SKI: variants seen among roughly 807,000 people sequenced by gnomAD.
SKI encodes SKI proto-oncogene.
In SKI, 23 loss-of-function variants were observed where a neutral mutation model predicts 59.3. The observed-to-expected ratio is 0.39, with a 90% CI of 0.28 to 0.55. The LOEUF is 0.55. Among genes scored for constraint, SKI ranks in the 20% least tolerant of loss-of-function variants. The probability of loss-of-function intolerance (pLI) is 0.67; values close to 1 mark genes in which losing one functional copy is unlikely to be tolerated. For missense variants in SKI, 1,017 were observed against 1,038.9 expected, an observed-to-expected ratio of 0.98 and a Z score of 0.29; for synonymous variants, 673 against 488.6, an observed-to-expected ratio of 1.38 and a Z score of -4.98.
chr1:2,254,827 C>T (rs1017789406), intron 1 of SKI, among the ~76,000 whole-genome samples: 3 of 152,222 alleles, frequency 2.0e-5, no homozygotes, highest in African/African-American at 7.2e-5. Flanking sequence ...CCCTGCTGCA[C>T]ACCTATGGGG....
At chr1:2,239,021 G>A (rs906104654) in intron 1 of SKI, among the ~76,000 whole-genome samples, 3 of 152,178 alleles carry the variant, frequency 2.0e-5, no homozygotes, top group African/African-American at 7.2e-5. Flanking sequence ...GGGTTGTGCC[G>A]TTGGCAGTGC....
rs114638574 is a variant in SKI, at chr1:2,268,618, C to G, written c.970-34360C>G. 4.3e-3 allele frequency among the ~76,000 whole-genome samples: 662 copies of G among 152,334 alleles called. 8 individuals are homozygous for G. Among genetic ancestry groups the G allele is most frequent in the African/African-American group, 0.015 (630 of 41,578 alleles). On this transcript the variant is annotated intron_variant, in intron 1 of 6. Transcript: ENST00000378536. This position sits in a 1 kb window ranked among gnomAD's most constrained non-coding sequence, Gnocchi z 5.0. ...TTCTTGGCTGGCTTGACAGGTCCCC[C>G]TTTCCCTCACCATGGAGTTTCACCC... is the stretch of plus-strand genomic sequence containing the variant.
intron 1 of SKI, among the ~76,000 whole-genome samples, chr1:2,245,143 CTT>C (rs1347419514): frequency 6.6e-6 from 1 of 151,324 alleles, no homozygotes; most frequent in Non-Finnish European, 1.5e-5. Context: ...GTTTCTGTGA[CTT>C]TGGTGACTCT....
At chr1:2,300,707 G>A (rs973704372) in intron 1 of SKI, among the ~76,000 whole-genome samples, 1 of 152,212 alleles carries the variant, frequency 6.6e-6, no homozygotes, top group East Asian at 1.9e-4. Context: ...CTGAGAGCCG[G>A]GAGTCGCCTG....
intron 1 of SKI, among the ~76,000 whole-genome samples, chr1:2,257,900 G>A (rs1245678204): frequency 6.6e-6 from 1 of 151,938 alleles, no homozygotes; most frequent in Non-Finnish European, 1.5e-5. Context: ...CACCATGCCT[G>A]GCTAATTTTG....
chr1:2,302,706 C>T (rs1220644692), intron 1 of SKI, among the ~76,000 whole-genome samples: 4 of 152,116 alleles, frequency 2.6e-5, no homozygotes, highest in South Asian at 2.1e-4. Context: ...TGAGGTCACC[C>T]GGAATGGCAG....
chr1:2,282,513 A>G (rs1047574686), intron 1 of SKI, among the ~76,000 whole-genome samples: 1 of 133,540 alleles, frequency 7.5e-6, no homozygotes, highest in Admixed American at 7.3e-5. Flanking sequence ...GACGCCTGAG[A>G]AGACAGGCAG....
At chr1:2,245,788 CTTTTTT>C (rs766445644) in intron 1 of SKI, among the ~76,000 whole-genome samples, 12 of 70,380 alleles carry the variant, frequency 1.7e-4, no homozygotes, top group South Asian at 6.4e-4. Context: ...ATTTTTCCTT[CTTTTTT>C]TTTTTTTTTT....
chr1:2,264,420 C>T (rs967479230), intron 1 of SKI, among the ~76,000 whole-genome samples: 4 of 152,102 alleles, frequency 2.6e-5, no homozygotes, highest in Non-Finnish European at 5.9e-5. Context: ...AGGCACCCGC[C>T]ACCACACCTG....
At position 2,303,529 on chromosome 1, in the gene SKI, G is replaced by A. The variant is rs868545464; in HGVS notation, c.1211+129G>A. ...GCCGCCTTTTGGTCAGGGCAGTCTC[G>A]GTGTTGGTTCCTTTGGCTGGCATCA... On this transcript the variant is annotated intron_variant, in intron 3 of 6. Coordinates refer to ENST00000378536, the MANE Select transcript of SKI (RefSeq NM_003036.4). The surrounding 1 kb of genome is among the most constrained non-coding windows in gnomAD (Gnocchi z 5.6). 13 of 836,972 alleles carry A rather than the reference G, an allele frequency of 1.6e-5. No individual in the cohort carries two copies. Among genetic ancestry groups the A allele is most frequent in the East Asian group, 1.0e-4 (4 of 39,066 alleles). The allele number at this position is 836,972 out of a possible 1,614,324, so 51.8% of individuals were successfully genotyped here. A position where few individuals can be genotyped will look rare whatever the true frequency, so the allele number is the denominator to read the frequency against.
At chr1:2,254,295 G>A (rs1344831713) in intron 1 of SKI, among the ~76,000 whole-genome samples, 4 of 152,162 alleles carry the variant, frequency 2.6e-5, no homozygotes, top group Admixed American at 2.0e-4. Flanking sequence ...CGTGGTGCCC[G>A]TTGGAGGGGG....
intron 1 of SKI, among the ~76,000 whole-genome samples, chr1:2,259,865 G>A (rs547203684): frequency 6.6e-6 from 1 of 152,322 alleles, no homozygotes; most frequent in African/African-American, 2.4e-5. Flanking sequence ...CGTGGCGTGT[G>A]CTGGGCAGTG....
At chr1:2,231,001 C>T (rs1237016162) in intron 1 of SKI, among the ~76,000 whole-genome samples, 1 of 152,068 alleles carries the variant, frequency 6.6e-6, no homozygotes, top group African/African-American at 2.4e-5. Context: ...GTGCGCGCTT[C>T]TGACCCTGCC....
chr1:2,303,124 G>A lies in SKI; in HGVS notation c.1095+21G>A. The A allele has an allele frequency of 6.2e-7, 1 of 1,612,912 alleles. No homozygotes were observed. Among genetic ancestry groups the A allele is most frequent in the Non-Finnish European group, 8.5e-7 (1 of 1,179,956 alleles). ...ATAAGGTGCTGTGGGGCCTGTCGGG[G>A]TCCTTGGGGTGGTGGGTACTGGGCC... On this transcript the variant is annotated intron_variant, in intron 2 of 6. Transcript: ENST00000378536. This position sits in a 1 kb window ranked among gnomAD's most constrained non-coding sequence, Gnocchi z 5.6.
At chr1:2,304,608 G>A (rs1640521905) in intron 5 of SKI, 23 bp downstream of exon 5, 2 of 1,534,008 alleles carry the variant, frequency 1.3e-6, no homozygotes, top group Non-Finnish European at 1.8e-6. Context: ...AGTGGTGCTG[G>A]GAGGTCCAGG....
chr1:2,229,810 T>C lies in SKI; in HGVS notation c.969+75T>C. The stretch of plus-strand genomic sequence containing the variant: ...GCCCCTTCTGGACTACAGGCTCTGG[T>C]CTCCGAAGGCTGGGACCTGTGCTTC... On this transcript the variant is annotated intron_variant, in intron 1 of 6. Transcript: ENST00000378536. The surrounding 1 kb of genome is among the most constrained non-coding windows in gnomAD (Gnocchi z 6.3). 6.5e-7 allele frequency: 1 copy of C among 1,547,316 alleles called. No homozygotes were observed. The highest frequency in any genetic ancestry group is 8.7e-7 in the Non-Finnish European group (1 of 1,145,704).
chr1:2,306,653 G>GCGAGGCCCGGGAGCA lies in SKI; in HGVS notation c.2077_2091dup (p.Glu693_His697dup). ...CTGCGGGCCGACCTGCTGCGGGAGC[G>GCGAGGCCCGGGAGCA]CGAGGCCCGGGAGCACCTGGAGAAG... On this transcript the variant is annotated inframe_insertion, in exon 7 of 7. Transcript: ENST00000378536. 1 of 1,544,966 alleles carries GCGAGGCCCGGGAGCA rather than the reference G, an allele frequency of 6.5e-7. No individual in the cohort carries two copies. Among genetic ancestry groups the GCGAGGCCCGGGAGCA allele is most frequent in the South Asian group, 1.2e-5 (1 of 83,772 alleles).
rs767973122 is a variant in SKI, at chr1:2,229,189, G to C, written c.423G>C (p.Ala141=). 1.4e-5 allele frequency: 23 copies of C among 1,610,898 alleles called. No individual in the cohort carries two copies. Among genetic ancestry groups the C allele is most frequent in the Non-Finnish European group, 2.0e-5 (23 of 1,179,176 alleles). ...ACTTCTCGCTGCAGCAGATCAACGC[G>C]GTGTGCGACGAGCTCCACATCTACT... The part of the protein sequence containing the change: ...LRDFSLQQIN[A]VCDELHIYCS... Residue 141 remains alanine (A), a synonymous_variant, in exon 1 of 7, where the codon GCG becomes GCC. Transcript: ENST00000378536. This position sits in a 1 kb window ranked among gnomAD's most constrained non-coding sequence, Gnocchi z 6.3.
chr1:2,255,873 C>T (rs1385346325), intron 1 of SKI, among the ~76,000 whole-genome samples: 2 of 149,088 alleles, frequency 1.3e-5, no homozygotes, highest in Admixed American at 1.3e-4. Context: ...TGCATTTCCT[C>T]TCTGGAGCTC....
Sources: gnomAD v4.1 joint callset for allele counts (sites outside exome capture counted in the v4.1 genomes callset) on GRCh38, gnomAD v4.1.1 for gene constraint, Gnocchi (gnomAD v3.1) non-coding constraint, MANE v1.5 for transcripts, NCBI Gene and HGNC (gene_info 2026-07-23, HGNC 2026-07-21) for gene names.